Variants in KIRREL3 observed in about 807,000 individuals in gnomAD.
KIRREL3 encodes the protein kin of IRRE-like protein 3.
In KIRREL3, 36 loss-of-function variants were observed where a neutral mutation model predicts 89.7. The observed-to-expected ratio is 0.40, with a 90% confidence interval of 0.31 to 0.53. The LOEUF (loss-of-function observed/expected upper bound fraction) is 0.53, where lower values mean the gene tolerates loss of function less well. Ranked by LOEUF, KIRREL3 falls within the 20% of genes least tolerant of loss-of-function variation. KIRREL3 has a pLI of 0.49. For synonymous variants in KIRREL3, 445 were observed against 441.4 expected (o/e 1.01, Z -0.10); for missense variants, 864 against 1,056.6 (o/e 0.82, Z 2.53).
chr11:126,547,932 T>C (rs1383517747), intron 2 of KIRREL3, among the ~76,000 whole-genome samples: 2 of 152,158 alleles, frequency 1.3e-5, no homozygotes, highest in African/African-American at 4.8e-5. Context: ...TGCCTTTAGG[T>C]GATGATCTAA....
intron 1 of KIRREL3, chr11:126,681,670 A>AATTTTT: frequency 3.0e-6 from 1 of 335,042 alleles, no homozygotes; most frequent in East Asian, 7.6e-5. Context: ...AGATTTGCAA[A>AATTTTT]TTGTTGTCAC....
At chr11:126,592,115 C>G (rs938535878) in intron 1 of KIRREL3, among the ~76,000 whole-genome samples, 1 of 152,144 alleles carries the variant, frequency 6.6e-6, no homozygotes, top group African/African-American at 2.4e-5. Context: ...GGCCTTTTGT[C>G]GAGCCCCTGG....
At chr11:126,895,819 G>A (rs1946135026) in intron 1 of KIRREL3, among the ~76,000 whole-genome samples, 1 of 152,116 alleles carries the variant, frequency 6.6e-6, no homozygotes, top group African/African-American at 2.4e-5. Context: ...AACTCATTCT[G>A]TCAGGAACCC....
At position 126,574,464 on chromosome 11, in the gene KIRREL3, T is replaced by G. The variant is rs1358531540; in HGVS notation, c.56-11552A>C. Among the ~76,000 whole-genome samples, 1 of 152,164 alleles carries G rather than the reference T, an allele frequency of 6.6e-6. No homozygotes were observed. Among genetic ancestry groups the G allele is most frequent in the African/African-American group, 2.4e-5 (1 of 41,436 alleles). On this transcript the variant is annotated intron_variant, in intron 1 of 16. Transcript: ENST00000525144. The surrounding 1 kb of genome is among the most constrained non-coding windows in gnomAD (Gnocchi z 5.3). ...CCTCAAACAGGTCCAGGGGAGCGAT[T>G]CTGAGCCACCAGCCATCACTCAATA...
At chr11:126,597,934 G>A (rs964204422) in intron 1 of KIRREL3, among the ~76,000 whole-genome samples, 1 of 152,212 alleles carries the variant, frequency 6.6e-6, no homozygotes, top group Non-Finnish European at 1.5e-5. Context: ...GTCACCCATA[G>A]CATCCTATGA....
intron 1 of KIRREL3, among the ~76,000 whole-genome samples, chr11:126,588,368 T>G (rs12574555): frequency 0.12 from 18,278 of 150,700 alleles, 1,181 homozygotes; most frequent in East Asian, 0.22. Flanking sequence ...TAAATAGGAT[T>G]TTTTTGCATG....
At position 126,905,326 on chromosome 11, in the gene KIRREL3, G is replaced by C. The variant is rs1946535932; in HGVS notation, c.55+95129C>G. On this transcript the variant is annotated intron_variant, in intron 1 of 16. Transcript: ENST00000525144. This position sits in a 1 kb window ranked among gnomAD's most constrained non-coding sequence, Gnocchi z 5.0. Reference sequence around the variant, plus strand: ...CTGCACCAGGAATACAGGATTCCTGGGAGTTGATGGGAAACTTCTAACCTT... The same window carrying C: ...CTGCACCAGGAATACAGGATTCCTGCGAGTTGATGGGAAACTTCTAACCTT... Among the ~76,000 whole-genome samples the C allele has an allele frequency of 6.6e-6, 1 of 152,060 alleles. No homozygotes were observed. Among genetic ancestry groups the C allele is most frequent in the Non-Finnish European group, 1.5e-5 (1 of 68,012 alleles).
intron 1 of KIRREL3, among the ~76,000 whole-genome samples, chr11:126,827,495 AT>A (rs35726504): frequency 0.22 from 34,152 of 152,028 alleles, 4,583 homozygotes; most frequent in Non-Finnish European, 0.31. Flanking sequence ...ATTTTATTAC[AT>A]TTTTGGGGGG....
chr11:126,764,829 G>C lies in KIRREL3; in HGVS notation c.56-201917C>G, dbSNP rs141671055. On this transcript the variant is annotated intron_variant, in intron 1 of 16. Transcript: ENST00000525144. This position sits in a 1 kb window ranked among gnomAD's most constrained non-coding sequence, Gnocchi z 4.2. ...TCCAACTTCAGAACTCAGAGGGGCA[G>C]CTCTCCTTTGGACTAGGCCTTTGGC... 0.015 allele frequency among the ~76,000 whole-genome samples: 2,235 copies of C among 152,294 alleles called. 20 individuals are homozygous for C. The highest frequency in any genetic ancestry group is 0.02 in the Middle Eastern group (6 of 294).
rs1940888656 is a variant in KIRREL3 at position 126,571,028 on chromosome 11, G to T, written c.56-8116C>A. ...GATTGACACTTTAGAGGAGTGAGGA[G>T]TTTGTCCTGAGTCCCACAGCTGGCA... On this transcript the variant is annotated intron_variant, in intron 1 of 16. Coordinates refer to ENST00000525144, the MANE Select transcript of KIRREL3 (RefSeq NM_032531.4). The surrounding 1 kb of genome is among the most constrained non-coding windows in gnomAD (Gnocchi z 7.7). Among the ~76,000 whole-genome samples, 1 of 152,210 alleles carries T rather than the reference G, an allele frequency of 6.6e-6. No homozygotes were observed. The highest frequency in any genetic ancestry group is 6.5e-5 in the Admixed American group (1 of 15,284).
chr11:126,845,149 G>T (rs1194387686), intron 1 of KIRREL3, among the ~76,000 whole-genome samples: 1 of 152,154 alleles, frequency 6.6e-6, no homozygotes, highest in African/African-American at 2.4e-5. Context: ...CAGAGTGCCA[G>T]TGTCTATGTT....
At chr11:126,839,862 A>G (rs1175548041) in intron 1 of KIRREL3, among the ~76,000 whole-genome samples, 1 of 152,002 alleles carries the variant, frequency 6.6e-6, no homozygotes, top group Non-Finnish European at 1.5e-5. Context: ...TAAATAAACA[A>G]GTGTCTTTTT....
At chr11:126,936,862 A>G (rs1347805780) in intron 1 of KIRREL3, 1 of 152,182 alleles carries the variant, frequency 6.6e-6, no homozygotes, top group Non-Finnish European at 1.5e-5. Context: ...AATTTACTAA[A>G]ATTCATTCAA....
At chr11:126,599,362 G>A (rs1942542829) in intron 1 of KIRREL3, among the ~76,000 whole-genome samples, 1 of 152,064 alleles carries the variant, frequency 6.6e-6, no homozygotes, top group Non-Finnish European at 1.5e-5. Flanking sequence ...GCACGCTTTC[G>A]GCTGCACCTG....
At position 126,645,124 on chromosome 11, in the gene KIRREL3, G is replaced by C. The variant is rs1414615299; in HGVS notation, c.56-82212C>G. On this transcript the variant is annotated intron_variant, in intron 1 of 16. Transcript: ENST00000525144. The surrounding 1 kb of genome is among the most constrained non-coding windows in gnomAD (Gnocchi z 4.9). Reference sequence around the variant, plus strand: ...AGCATATTCTGAATATATCGCAAGAGGGGTGCAGACTGGGCGTTATGAAGG... The same window carrying C: ...AGCATATTCTGAATATATCGCAAGACGGGTGCAGACTGGGCGTTATGAAGG... Among the ~76,000 whole-genome samples, 2 of 152,190 alleles carry C rather than the reference G, an allele frequency of 1.3e-5. No homozygotes were observed. The highest frequency in any genetic ancestry group is 3.9e-4 in the East Asian group (2 of 5,188).
At chr11:126,518,491 T>G (rs1958486292) in intron 4 of KIRREL3, among the ~76,000 whole-genome samples, 1 of 152,254 alleles carries the variant, frequency 6.6e-6, no homozygotes, top group Non-Finnish European at 1.5e-5. Flanking sequence ...TTCCGCAGGT[T>G]CTAATCAGGC....
intron 1 of KIRREL3, among the ~76,000 whole-genome samples, chr11:126,942,148 G>A (rs1189693125): frequency 6.6e-6 from 1 of 152,140 alleles, no homozygotes; most frequent in East Asian, 1.9e-4. Context: ...CGCCCATGAA[G>A]CCCTGCACCT....
At chr11:126,727,015 C>T (rs1157783087) in intron 1 of KIRREL3, among the ~76,000 whole-genome samples, 4 of 152,216 alleles carry the variant, frequency 2.6e-5, no homozygotes, top group East Asian at 1.9e-4. Flanking sequence ...CACAGATTTC[C>T]GCGTAGCCTA....
intron 1 of KIRREL3, among the ~76,000 whole-genome samples, chr11:126,967,097 C>T (rs970948924): frequency 2.0e-5 from 3 of 152,166 alleles, no homozygotes; most frequent in African/African-American, 7.2e-5. Flanking sequence ...GACTCTGAAA[C>T]TTTCTCTGAC....
Sources: allele counts gnomAD v4.1 joint callset (sites outside exome capture counted in the v4.1 genomes callset), GRCh38; gene constraint gnomAD v4.1.1; non-coding constraint Gnocchi (gnomAD v3.1); transcripts MANE v1.5; gene names NCBI Gene and HGNC (gene_info 2026-07-23, HGNC 2026-07-21).